Variants in CTXND1 observed in about 807,000 individuals in gnomAD.
CTXND1 encodes the protein cortexin domain containing 1, also known as cortexin domain-containing 1 protein.
intron 1 of CTXND1, among the ~76,000 whole-genome samples, chr15:80,235,094 C>G (rs554719697): frequency 6.6e-6 from 1 of 152,302 alleles, no homozygotes; most frequent in South Asian, 2.1e-4. Flanking sequence ...GCTGCTCTTC[C>G]CTGGAGGGTT....
At chr15:80,213,805 C>A (rs1290766219) in intron 1 of CTXND1, among the ~76,000 whole-genome samples, 1 of 152,074 alleles carries the variant, frequency 6.6e-6, no homozygotes, top group South Asian at 2.1e-4. Flanking sequence ...ATTCTATATT[C>A]AGTGGTACTA....
intron 1 of CTXND1, among the ~76,000 whole-genome samples, chr15:80,248,418 A>T (rs1893658719): frequency 6.6e-6 from 1 of 152,226 alleles, no homozygotes; most frequent in African/African-American, 2.4e-5. Context: ...AAGGTACATT[A>T]GGGAAACAAT....
intron 1 of CTXND1, among the ~76,000 whole-genome samples, chr15:80,214,086 A>C (rs28757709): frequency 0.75 from 114,633 of 151,998 alleles, 43,471 homozygotes; most frequent in East Asian, 0.9. Flanking sequence ...AATTACCTAT[A>C]GTAAGAGCTT....
At chr15:80,208,692 GA>G (rs1162730427) in intron 1 of CTXND1, among the ~76,000 whole-genome samples, 2 of 151,994 alleles carry the variant, frequency 1.3e-5, no homozygotes, top group Admixed American at 6.5e-5. Context: ...CTCCACTTTG[GA>G]CATCCACAAA....
intron 1 of CTXND1, among the ~76,000 whole-genome samples, chr15:80,213,871 C>T (rs28651724): frequency 0.29 from 44,413 of 151,952 alleles, 6,865 homozygotes; most frequent in East Asian, 0.49. Flanking sequence ...TTGTATATAC[C>T]TGTCTGAGAT....
chr15:80,231,922 A>G (rs1893436339), intron 1 of CTXND1, among the ~76,000 whole-genome samples: 1 of 152,124 alleles, frequency 6.6e-6, no homozygotes. Flanking sequence ...TTGGACTGTT[A>G]TGGTTATTAA....
chr15:80,198,806 C>T lies in CTXND1; in HGVS notation c.*2964G>A, dbSNP rs2041433923. On this transcript the variant is annotated 3_prime_UTR_variant, in exon 3 of 3. Coordinates refer to ENST00000560778, the MANE Select transcript of CTXND1 (RefSeq NM_001352888.2). ...GTACAACAGGGAAAATGGAAGAAAT[C>T]CAAATATTTAATAATAGGAGTCTAC... 6.6e-6 allele frequency: 1 copy of T among 152,004 alleles called. No individual in the cohort carries two copies. The highest frequency in any genetic ancestry group is 1.5e-5 in the Non-Finnish European group (1 of 68,010). 9.4% of individuals were successfully genotyped at this position (152,004 alleles called of 1,614,324 possible).
rs182021230 is a variant in CTXND1 at position 80,216,574 on chromosome 15, C to T, written c.-217-12834G>A. On this transcript the variant is annotated intron_variant, in intron 1 of 2. Coordinates refer to ENST00000560778, the MANE Select transcript of CTXND1 (RefSeq NM_001352888.2). Reference sequence around the variant, plus strand: ...TTTAATATAGAAACAGAAGTGATGACGCTGGAGATCATCCAGTCCCTTCCA... The same window carrying T: ...TTTAATATAGAAACAGAAGTGATGATGCTGGAGATCATCCAGTCCCTTCCA... Among the ~76,000 whole-genome samples, 137 of 151,996 alleles carry T rather than the reference C, an allele frequency of 9.0e-4. 1 individual carries two copies. The highest frequency in any genetic ancestry group is 3.4e-3 in the Middle Eastern group (1 of 294).
chr15:80,220,916 T>TA (rs1567131010), intron 1 of CTXND1, among the ~76,000 whole-genome samples: 15 of 148,288 alleles, frequency 1.0e-4, no homozygotes, highest in African/African-American at 3.7e-4. Flanking sequence ...ATTATTATTT[T>TA]TTTTTTTTTT....
At position 80,197,003 on chromosome 15, in the gene CTXND1, C is replaced by T. The variant is rs1057117067; in HGVS notation, c.*4767G>A. 1 of 152,208 alleles carries T rather than the reference C, an allele frequency of 6.6e-6. No individual in the cohort carries two copies. The highest frequency in any genetic ancestry group is 1.9e-4 in the East Asian group (1 of 5,194). 9.4% of individuals were successfully genotyped at this position (152,208 alleles called of 1,614,324 possible). ...GGGTTCTAGATCCTTCTCCTTGTCT[C>T]TCTAGGCAAGAGATGGTAACAGTTG... On this transcript the variant is annotated 3_prime_UTR_variant, in exon 3 of 3. Coordinates refer to ENST00000560778, the MANE Select transcript of CTXND1 (RefSeq NM_001352888.2).
intron 1 of CTXND1, among the ~76,000 whole-genome samples, chr15:80,226,913 A>C (rs554245979): frequency 1.8e-4 from 28 of 152,336 alleles, no homozygotes; most frequent in African/African-American, 6.3e-4. Context: ...AGTGAAGAGA[A>C]GGAAAAGAGT....
At chr15:80,238,347 C>G (rs1399361340) in intron 1 of CTXND1, among the ~76,000 whole-genome samples, 1 of 152,074 alleles carries the variant, frequency 6.6e-6, no homozygotes, top group Non-Finnish European at 1.5e-5. Context: ...TAACTTTGTG[C>G]TATAATTGTG....
At chr15:80,225,877 C>T (rs2142132504) in intron 1 of CTXND1, among the ~76,000 whole-genome samples, 1 of 151,830 alleles carries the variant, frequency 6.6e-6, no homozygotes, top group East Asian at 1.9e-4. Context: ...TTTTTCTGCT[C>T]ACGTTTATAA....
intron 1 of CTXND1, among the ~76,000 whole-genome samples, chr15:80,226,339 T>G (rs1893371334): frequency 6.6e-6 from 1 of 152,160 alleles, no homozygotes; most frequent in Non-Finnish European, 1.5e-5. Context: ...CAGTTGAAAA[T>G]ATGTTATAGC....
chr15:80,241,725 C>T (rs34949781), intron 1 of CTXND1, among the ~76,000 whole-genome samples: 20,647 of 152,192 alleles, frequency 0.14, 1,660 homozygotes, highest in African/African-American at 0.23. Flanking sequence ...CAGGTGCCCA[C>T]GGAAGTCAGG....
intron 1 of CTXND1, among the ~76,000 whole-genome samples, chr15:80,207,533 C>G (rs2114710): frequency 0.26 from 39,065 of 152,040 alleles, 5,407 homozygotes; most frequent in Middle Eastern, 0.33. Context: ...TTGATAACTC[C>G]AATATCTAGG....
Position 80,196,864 on chromosome 15 carries a change from T to G in CTXND1, c.*4906A>C, listed in dbSNP as rs1279453561. 1 of 152,162 alleles carries G rather than the reference T, an allele frequency of 6.6e-6. No individual in the cohort carries two copies. Among genetic ancestry groups the G allele is most frequent in the East Asian group, 1.9e-4 (1 of 5,196 alleles). The allele number at this position is 152,162 out of a possible 1,614,324, so 9.4% of individuals were successfully genotyped here. On this transcript the variant is annotated 3_prime_UTR_variant, in exon 3 of 3. Coordinates refer to ENST00000560778, the MANE Select transcript of CTXND1 (RefSeq NM_001352888.2). ...GGCAGGAGGCAAGAGGTCAAGGTAT[T>G]TATTCCCCCAGCTCTCTTCCTACTG...
chr15:80,242,566 A>G (rs976255223), intron 1 of CTXND1, among the ~76,000 whole-genome samples: 5 of 152,192 alleles, frequency 3.3e-5, no homozygotes, highest in African/African-American at 1.2e-4. Context: ...CCGAGGGAGG[A>G]GCCTGTAAAT....
Position 80,201,180 on chromosome 15 carries a change from T to TTTTAA in CTXND1, c.*589_*590insTTAAA, listed in dbSNP as rs1474241804. On this transcript the variant is annotated 3_prime_UTR_variant, in exon 3 of 3. Transcript: ENST00000560778. ...TTTTATTTATAACAGGAAAAATATA[T>TTTTAA]CCCTCTATATTTTAGTTTAAAAAAA... 6.6e-6 allele frequency: 1 copy of TTTTAA among 152,158 alleles called. No individual in the cohort carries two copies. Among genetic ancestry groups the TTTTAA allele is most frequent in the Non-Finnish European group, 1.5e-5 (1 of 68,026 alleles). 9.4% of individuals were successfully genotyped at this position (152,158 alleles called of 1,614,324 possible). A position where few individuals can be genotyped will look rare whatever the true frequency, so the allele number is the denominator to read the frequency against.
Sources: gnomAD v4.1 joint callset for allele counts (sites outside exome capture counted in the v4.1 genomes callset) on GRCh38, gnomAD v4.1.1 for gene constraint, MANE v1.5 for transcripts, NCBI Gene and HGNC (gene_info 2026-07-23, HGNC 2026-07-21) for gene names.